Variants in TMEM252 observed in about 807,000 individuals in gnomAD.
TMEM252 encodes transmembrane protein 252, also known as transmembrane protein C9orf71.
Under a neutral mutation model 6.4 loss-of-function variants are expected in TMEM252, and 4 were observed. The ratio of observed to expected loss-of-function variants is 0.62; its 90% CI spans 0.31 to 1.43. TMEM252 has a LOEUF of 1.43. Ranked by LOEUF, TMEM252 falls within the 40% of genes most tolerant of loss-of-function variation. The pLI, the probability that TMEM252 is intolerant of heterozygous loss-of-function variation, is 0.07. For missense variants in TMEM252, 207 were observed against 209.4 expected (o/e 0.99, Z 0.07); for synonymous variants, 85 against 82.5 (o/e 1.03, Z -0.17).
chr9:68,539,339 T>C lies in TMEM252; in HGVS notation c.278+1198A>G, dbSNP rs377155109. ...TTTTTTTCTTGTGGTAAAATATATA[T>C]GACATAAAATTTACTGTTTTTAAGT... On this transcript the variant is annotated intron_variant, in intron 1 of 1. Transcript: ENST00000377311. Among the ~76,000 whole-genome samples the C allele has an allele frequency of 5.3e-4, 81 of 152,328 alleles. 1 individual carries two copies. In the South Asian group the frequency reaches 0.012, roughly 23 times the overall value.
At position 68,536,580 on chromosome 9, in the gene TMEM252, T is replaced by C. The variant is rs952265542; in HGVS notation, c.*679A>G. The C allele has an allele frequency of 2.4e-4, 36 of 152,248 alleles. No individual in the cohort carries two copies. Among genetic ancestry groups the C allele is most frequent in the African/African-American group, 8.0e-4 (33 of 41,474 alleles). The allele number at this position is 152,248 out of a possible 1,614,324, so 9.4% of individuals were successfully genotyped here. A position where few individuals can be genotyped will look rare whatever the true frequency, so the allele number is the denominator to read the frequency against. On this transcript the variant is annotated 3_prime_UTR_variant, in exon 2 of 2. Coordinates refer to ENST00000377311, the MANE Select transcript of TMEM252 (RefSeq NM_153237.2). ...TCATGTCTATTTGTTTAAGGACCTC[T>C]TTTAAGAAACAGCTCATTTAATATT...
chr9:68,537,261 A>G lies in TMEM252; in HGVS notation c.511T>C (p.Ter171ArgextTer44), dbSNP rs147022534. Residue 171 changes from the stop codon to arginine, a stop_lost, in exon 2 of 2, where the codon TGA becomes CGA. Transcript: ENST00000377311. Reference sequence around the variant, plus strand: ...AGTGCTGGAGAGCTTTCTCTGCCTCAGCACTCTTGGCCTCGCCTCTGGGCG... The same window carrying G: ...AGTGCTGGAGAGCTTTCTCTGCCTCGGCACTCTTGGCCTCGCCTCTGGGCG... ...EDAQRRGQEC[*>R] 2.6e-3 allele frequency: 4,152 copies of G among 1,604,280 alleles called. 7 individuals are homozygous for G. The highest frequency in any genetic ancestry group is 3.1e-3 in the Non-Finnish European group (3,638 of 1,176,670).
intron 1 of TMEM252, 149 bp downstream of exon 1, chr9:68,540,388 G>T: frequency 8.5e-7 from 1 of 1,175,918 alleles, no homozygotes; most frequent in Non-Finnish European, 1.2e-6. Flanking sequence ...AACAACCCCA[G>T]AGTAATTCCC....
rs374824275 is a variant in TMEM252 at position 68,540,836 on chromosome 9, C to T, written c.-22G>A. The T allele has an allele frequency of 5.5e-5, 88 of 1,604,376 alleles. 1 individual carries two copies. The highest frequency in any genetic ancestry group is 1.7e-4 in the Middle Eastern group (1 of 6,012). On this transcript the variant is annotated 5_prime_UTR_variant, in exon 1 of 2. Coordinates refer to ENST00000377311, the MANE Select transcript of TMEM252 (RefSeq NM_153237.2). ...GCATCCTTGCACCTTAGGAACCCAG[C>T]ACCCTGACCCTGCTGCTCCTCTGCT...
At position 68,537,487 on chromosome 9, in the gene TMEM252, G is replaced by T. The variant is rs1375502159; in HGVS notation, c.285C>A (p.Asp95Glu). 1 of 1,600,188 alleles carries T rather than the reference G, an allele frequency of 6.2e-7. No individual in the cohort carries two copies. The highest frequency in any genetic ancestry group is 1.8e-5 in the Admixed American group (1 of 55,760). Residue 95 changes from aspartate to glutamate, a missense_variant, in exon 2 of 2, where the codon GAC (aspartate) becomes GAA (glutamate). By Grantham distance (45) the Asp-to-Glu change is conservative. Transcript: ENST00000377311. ...ALPVATVDRP[D>E]FYPPAYEESL... ...TCTCTTCATAAGCTGGAGGGTAAAAGTCTGGCCTAGGGGACAAAACAGCAT... is the reference window on the plus strand; with the variant it reads ...TCTCTTCATAAGCTGGAGGGTAAAATTCTGGCCTAGGGGACAAAACAGCAT...
chr9:68,540,742 C>A lies in TMEM252; in HGVS notation c.73G>T (p.Ala25Ser). 5.0e-6 allele frequency: 8 copies of A among 1,614,110 alleles called. No homozygotes were observed. The highest frequency in any genetic ancestry group is 5.9e-6 in the Non-Finnish European group (7 of 1,180,024). The change falls in exon 1 of 2, where the codon GCC (alanine) becomes TCC (serine). Residue 25 changes from alanine to serine, a missense_variant. Coordinates refer to ENST00000377311, the MANE Select transcript of TMEM252 (RefSeq NM_153237.2). ...ATGGAGCCCCAGGAAATGAAGAAGGCCCCCAGGCAGACCATCAGGAAACCC... is the reference window on the plus strand; with the variant it reads ...ATGGAGCCCCAGGAAATGAAGAAGGACCCCAGGCAGACCATCAGGAAACCC... ...LMGFLMVCLG[A>S]FFISWGSIFD...
At position 68,537,162 on chromosome 9, in the gene TMEM252, G is replaced by A. The variant is rs1292562230; in HGVS notation, c.*97C>T. ...CCCAAGCTCTCTTGTGGGGTCCCTG[G>A]TGTGGCTTTTCCTCCCACAGTCCCT... On this transcript the variant is annotated 3_prime_UTR_variant, in exon 2 of 2. Coordinates refer to ENST00000377311, the MANE Select transcript of TMEM252 (RefSeq NM_153237.2). 4 of 1,063,764 alleles carry A rather than the reference G, an allele frequency of 3.8e-6. No homozygotes were observed. Among genetic ancestry groups the A allele is most frequent in the Non-Finnish European group, 5.4e-6 (4 of 737,948 alleles). The allele number at this position is 1,063,764 out of a possible 1,614,324, so 65.9% of individuals were successfully genotyped here.
In TMEM252 at chr9:68,536,614, GA is replaced by G. The variant is rs1185031193; in HGVS notation, c.*644del. 22 of 152,178 alleles carry G rather than the reference GA, an allele frequency of 1.4e-4. No individual in the cohort carries two copies. The East Asian group carries it at 3.9e-3, about 27-fold the overall frequency. The allele number at this position is 152,178 out of a possible 1,614,324, so 9.4% of individuals were successfully genotyped here. A position where few individuals can be genotyped will look rare whatever the true frequency, so the allele number is the denominator to read the frequency against. ...ACAGCTCATTTAATATTTTGTGTTT[GA>G]ACCATCTTGAAGGCAAATATTACAG... On this transcript the variant is annotated 3_prime_UTR_variant, in exon 2 of 2. Coordinates refer to ENST00000377311, the MANE Select transcript of TMEM252 (RefSeq NM_153237.2).
intron 1 of TMEM252, among the ~76,000 whole-genome samples, chr9:68,538,539 T>C (rs1825168244): frequency 6.6e-6 from 1 of 152,118 alleles, no homozygotes; most frequent in Non-Finnish European, 1.5e-5. Flanking sequence ...ATGTGAAAGG[T>C]TCCAGGATGA....
In TMEM252 at chr9:68,537,449, T is replaced by C; in HGVS notation, c.323A>G (p.Glu108Gly). 2 of 1,604,424 alleles carry C rather than the reference T, an allele frequency of 1.2e-6. No homozygotes were observed. The highest frequency in any genetic ancestry group is 1.7e-6 in the Non-Finnish European group (2 of 1,177,428). The change falls in exon 2 of 2, where the codon GAA becomes GGA. Residue 108 changes from glutamate to glycine, a missense_variant. By Grantham distance (98) the Glu-to-Gly change is moderately conservative. Coordinates refer to ENST00000377311, the MANE Select transcript of TMEM252 (RefSeq NM_153237.2). ...PPAYEESLEV[E>G]KQSCPAEREA... ...TCTCTCTGCAGGACAGCTCTGCTTT[T>C]CCACCTCAAGGCTCTCTTCATAAGC... is the stretch of plus-strand genomic sequence containing the variant.
chr9:68,537,324 ACT>A lies in TMEM252; in HGVS notation c.446_447del (p.Glu149ValfsTer41). ...SHPEAPPSYR[E>X]SIAGLVVTAI... ...GCTGTCACCACCAGGCCGGCTATGG[ACT>A]CTCTATAAGATGGTGGGGCCTCTGG... On this transcript the variant is annotated frameshift_variant, in exon 2 of 2. Coordinates refer to ENST00000377311, the MANE Select transcript of TMEM252 (RefSeq NM_153237.2). LOFTEE classifies it low-confidence loss of function (END_TRUNC). The A allele has an allele frequency of 1.3e-6, 2 of 1,597,522 alleles. No homozygotes were observed. The highest frequency in any genetic ancestry group is 1.7e-6 in the Non-Finnish European group (2 of 1,174,828).
intron 1 of TMEM252, among the ~76,000 whole-genome samples, chr9:68,539,542 A>G (rs918285743): frequency 2.0e-5 from 3 of 152,204 alleles, no homozygotes; most frequent in African/African-American, 4.8e-5. Flanking sequence ...GGAATTATAC[A>G]ATATTTGCCC....
At chr9:68,540,146 G>A (rs1398001838) in intron 1 of TMEM252, among the ~76,000 whole-genome samples, 2 of 152,166 alleles carry the variant, frequency 1.3e-5, no homozygotes, top group Non-Finnish European at 2.9e-5. Flanking sequence ...CATTTGTTGT[G>A]TGGCAGAATT....
Position 68,540,521 on chromosome 9 carries a change from G to A in TMEM252, c.278+16C>T. On this transcript the variant is annotated intron_variant, in intron 1 of 1. Coordinates refer to ENST00000377311, the MANE Select transcript of TMEM252 (RefSeq NM_153237.2). The stretch of plus-strand genomic sequence containing the variant: ...CATCTCAGCCCTTCTTGGTCCCTCT[G>A]CCTGTCAGCACGTACCTGTCTACTG... 1.9e-6 allele frequency: 3 copies of A among 1,611,502 alleles called. No homozygotes were observed. The highest frequency in any genetic ancestry group is 1.7e-6 in the Non-Finnish European group (2 of 1,178,094).
At position 68,537,390 on chromosome 9, in the gene TMEM252, CTG is replaced by C. The variant is rs775704493; in HGVS notation, c.380_381del (p.Thr127ArgfsTer11). ...CCATCCTGGAATTCCAGGCCCGTCT[CTG>C]TATATAGAGGTGGAGGAATGCCAGA... ...EASGIPPPLY[T>X]ETGLEFQDGN... On this transcript the variant is annotated frameshift_variant, in exon 2 of 2. Transcript: ENST00000377311. LOFTEE classifies it low-confidence loss of function (END_TRUNC). 2 of 1,609,734 alleles carry C rather than the reference CTG, an allele frequency of 1.2e-6. No individual in the cohort carries two copies. Among genetic ancestry groups the C allele is most frequent in the Non-Finnish European group, 1.7e-6 (2 of 1,178,660 alleles).
intron 1 of TMEM252, among the ~76,000 whole-genome samples, 192 bp downstream of exon 1, chr9:68,540,345 G>A (rs1278436720): frequency 1.3e-5 from 2 of 152,166 alleles, no homozygotes; most frequent in African/African-American, 4.8e-5. Flanking sequence ...CTGCGTCATG[G>A]TTTTCCCCAA....
intron 1 of TMEM252, 132 bp downstream of exon 1, chr9:68,540,405 T>C: frequency 3.0e-6 from 4 of 1,311,502 alleles, no homozygotes; most frequent in Non-Finnish European, 4.1e-6. Context: ...TCCCTGACAA[T>C]AAAGCTTTGG....
chr9:68,540,469 A>G (rs1435432954), intron 1 of TMEM252, 68 bp downstream of exon 1: 12 of 1,588,680 alleles, frequency 7.6e-6, no homozygotes, highest in Non-Finnish European at 1.0e-5. Flanking sequence ...AGGATCAGAA[A>G]TTACTCAGAT....
rs1564033300 is a variant in TMEM252, at chr9:68,540,704, CT to C, written c.110del (p.Gln37ArgfsTer4). On this transcript the variant is annotated frameshift_variant, in exon 1 of 2. Coordinates refer to ENST00000377311, the MANE Select transcript of TMEM252 (RefSeq NM_153237.2). LOFTEE classifies it high-confidence loss of function. ...GCAAATAGGCCGCAATCAGGCTCCC[CT>C]GACAGTCGAATATGGAGCCCCAGGA... is the stretch of plus-strand genomic sequence containing the variant. Reference protein sequence around the residue: ...FISWGSIFDCQGSLIAAYLLL... With the variant: ...FISWGSIFDCXGSLIAAYLLL... 2.5e-6 allele frequency: 4 copies of C among 1,614,122 alleles called. No individual in the cohort carries two copies. The highest frequency in any genetic ancestry group is 3.4e-6 in the Non-Finnish European group (4 of 1,179,998).
Sources: allele counts gnomAD v4.1 joint callset (sites outside exome capture counted in the v4.1 genomes callset), GRCh38; gene constraint gnomAD v4.1.1; transcripts MANE v1.5; gene names NCBI Gene and HGNC (gene_info 2026-07-23, HGNC 2026-07-21).